Variants in AK5 observed in about 807,000 individuals in gnomAD.
The protein encoded by AK5 is adenylate kinase isoenzyme 5.
Under a neutral mutation model 69.5 loss-of-function variants are expected in AK5, and 27 were observed. The ratio of observed to expected loss-of-function variants is 0.39; its 90% CI spans 0.29 to 0.54. The LOEUF (loss-of-function observed/expected upper bound fraction) is 0.54. AK5 is among the 20% of genes least tolerant of loss of function. The pLI is 0.71. For synonymous variants in AK5, 260 were observed against 244.4 expected, an observed-to-expected ratio of 1.06 and a Z score of -0.60; for missense variants, 531 against 700.4, an observed-to-expected ratio of 0.76 and a Z score of 2.73.
At chr1:77,479,196 C>CTTTT (rs67079216) in intron 8 of AK5, among the ~76,000 whole-genome samples, 1 of 71,914 alleles carries the variant, frequency 1.4e-5, no homozygotes, top group Non-Finnish European at 2.6e-5. Flanking sequence ...CTGAAATTGT[C>CTTTT]TTTTTTTTTT....
chr1:77,558,477 T>TCGG, intron 13 of AK5, 125 bp from the exon 14 acceptor site: 1 of 513,232 alleles, frequency 1.9e-6, no homozygotes, highest in Non-Finnish European at 3.6e-6. Context: ...CTCTGTGTTT[T>TCGG]GGGGGGGGTC....
intron 10 of AK5, among the ~76,000 whole-genome samples, chr1:77,499,201 C>T (rs929094008): frequency 2.0e-5 from 3 of 152,188 alleles, no homozygotes; most frequent in Non-Finnish European, 1.5e-5. Context: ...GCTCCAGGCT[C>T]CTCTGAACCA....
chr1:77,558,116 C>G (rs1448212533), intron 13 of AK5, among the ~76,000 whole-genome samples: 2 of 152,142 alleles, frequency 1.3e-5, no homozygotes, highest in African/African-American at 4.8e-5. Flanking sequence ...GAAGATCATC[C>G]TGGGTGCTTC....
At chr1:77,551,846 G>A (rs1659838445) in intron 13 of AK5, among the ~76,000 whole-genome samples, 1 of 152,140 alleles carries the variant, frequency 6.6e-6, no homozygotes, top group Admixed American at 6.5e-5. Flanking sequence ...ACATTCTTTT[G>A]TTTACCTTTT....
chr1:77,413,510 T>G (rs188366980), intron 7 of AK5, among the ~76,000 whole-genome samples: 45 of 152,290 alleles, frequency 3.0e-4, no homozygotes, highest in Non-Finnish European at 5.6e-4. Flanking sequence ...CTGTCTACAG[T>G]GTCTCCCCCT....
intron 9 of AK5, among the ~76,000 whole-genome samples, chr1:77,485,636 A>G (rs1442614944): frequency 6.6e-6 from 1 of 152,232 alleles, no homozygotes; most frequent in African/African-American, 2.4e-5. Flanking sequence ...AACCATCTGT[A>G]TATAAAGGAA....
At chr1:77,459,103 C>T (rs1459923562) in intron 8 of AK5, among the ~76,000 whole-genome samples, 1 of 152,096 alleles carries the variant, frequency 6.6e-6, no homozygotes, top group Non-Finnish European at 1.5e-5. Context: ...GACCTGGGGC[C>T]TTTGTCTTCC....
intron 10 of AK5, among the ~76,000 whole-genome samples, chr1:77,498,221 G>T (rs1032630175): frequency 7.2e-5 from 11 of 152,196 alleles, no homozygotes; most frequent in Non-Finnish European, 1.3e-4. Context: ...TGTCTGTGGG[G>T]TTTGGCAACA....
intron 12 of AK5, among the ~76,000 whole-genome samples, chr1:77,529,125 A>G (rs1658437104): frequency 1.3e-5 from 2 of 152,060 alleles, no homozygotes; most frequent in Admixed American, 1.3e-4. Flanking sequence ...CTAACCACCC[A>G]GTGATAATAC....
intron 10 of AK5, among the ~76,000 whole-genome samples, chr1:77,505,575 T>C (rs1434538512): frequency 1.3e-5 from 2 of 152,118 alleles, no homozygotes; most frequent in Non-Finnish European, 2.9e-5. Context: ...AGTATTTCTT[T>C]AAAACAAGAG....
chr1:77,385,207 T>TGC (rs1647930085), intron 6 of AK5, among the ~76,000 whole-genome samples: 1 of 152,150 alleles, frequency 6.6e-6, no homozygotes, highest in Non-Finnish European at 1.5e-5. Flanking sequence ...TCGCCCAGGC[T>TGC]GGAGTGCAGT....
intron 8 of AK5, among the ~76,000 whole-genome samples, chr1:77,440,356 T>C (rs1570131137): frequency 6.6e-6 from 1 of 152,356 alleles, no homozygotes; most frequent in East Asian, 1.9e-4. Context: ...CTAATAGGGA[T>C]TCCCTTATAA....
At chr1:77,509,271 C>A (rs1657196455) in intron 10 of AK5, among the ~76,000 whole-genome samples, 1 of 152,222 alleles carries the variant, frequency 6.6e-6, no homozygotes, top group Non-Finnish European at 1.5e-5. Context: ...CTTCAGCTGA[C>A]CCTGGCATAT....
chr1:77,493,275 C>G (rs1378130699), intron 10 of AK5, among the ~76,000 whole-genome samples: 1 of 152,032 alleles, frequency 6.6e-6, no homozygotes, highest in Non-Finnish European at 1.5e-5. Context: ...TGAATTTGCT[C>G]TCTCTCTTCT....
chr1:77,548,540 T>C (rs1470558035), intron 13 of AK5, among the ~76,000 whole-genome samples: 1 of 152,172 alleles, frequency 6.6e-6, no homozygotes, highest in Non-Finnish European at 1.5e-5. Flanking sequence ...CAGACCGTGA[T>C]CCTAAACCAT....
At position 77,447,634 on chromosome 1, in the gene AK5, A is replaced by T. The variant is rs1171762291; in HGVS notation, c.1059+29919A>T. Among the ~76,000 whole-genome samples the T allele has an allele frequency of 2.6e-5, 4 of 152,242 alleles. No homozygotes were observed. In the East Asian group the frequency reaches 7.7e-4, roughly 29 times the overall value. ...TCTCTAACATCTTATTAACCAGATG[A>T]CCTTGAATGCCAAGTAATTCTGAAG... On this transcript the variant is annotated intron_variant, in intron 8 of 13. Coordinates refer to ENST00000354567, the MANE Select transcript of AK5 (RefSeq NM_174858.3).
At chr1:77,511,838 G>T (rs1208552500) in intron 10 of AK5, among the ~76,000 whole-genome samples, 1 of 152,240 alleles carries the variant, frequency 6.6e-6, no homozygotes, top group Non-Finnish European at 1.5e-5. Flanking sequence ...CGTCCAGCTA[G>T]CTAGGGAGGT....
chr1:77,286,302 G>C (rs1343155339), intron 1 of AK5, among the ~76,000 whole-genome samples: 1 of 150,944 alleles, frequency 6.6e-6, no homozygotes, highest in South Asian at 2.1e-4. Context: ...ATAATGACCA[G>C]GGGCATTTTC....
chr1:77,413,566 G>C (rs199713786), intron 7 of AK5, among the ~76,000 whole-genome samples: 1 of 152,154 alleles, frequency 6.6e-6, no homozygotes, highest in Admixed American at 6.5e-5. Flanking sequence ...ATCTGGCTGC[G>C]TCACTCAACT....
Sources: gnomAD v4.1 joint callset for allele counts (sites outside exome capture counted in the v4.1 genomes callset) on GRCh38, gnomAD v4.1.1 for gene constraint, MANE v1.5 for transcripts, NCBI Gene and HGNC (gene_info 2026-07-23, HGNC 2026-07-21) for gene names.